Variants in E2F3 observed in about 807,000 individuals in gnomAD.
E2F3 encodes the protein transcription factor E2F3.
A neutral mutation model predicts 44.4 loss-of-function variants in E2F3; 11 were observed. The observed-to-expected ratio is 0.25, with a 90% CI of 0.16 to 0.41. E2F3 has a LOEUF of 0.41. E2F3 is among the 10% of genes least tolerant of loss of function. E2F3 has a pLI of 1.00. For synonymous variants in E2F3, 249 were observed against 253.0 expected, an observed-to-expected ratio of 0.98 and a Z score of 0.15; for missense variants, 487 against 583.6, an observed-to-expected ratio of 0.83 and a Z score of 1.70.
intron 1 of E2F3, among the ~76,000 whole-genome samples, chr6:20,422,147 C>G (rs1034059502): frequency 1.3e-5 from 2 of 152,212 alleles, no homozygotes; most frequent in African/African-American, 4.8e-5. Flanking sequence ...GCTAGATCTT[C>G]TGAATAACTT....
At chr6:20,408,498 T>TA (rs1261290966) in intron 1 of E2F3, among the ~76,000 whole-genome samples, 1 of 152,260 alleles carries the variant, frequency 6.6e-6, no homozygotes, top group Non-Finnish European at 1.5e-5. Context: ...GGGTCAGTCT[T>TA]ATGGCCACCA....
intron 1 of E2F3, among the ~76,000 whole-genome samples, chr6:20,408,158 A>G (rs1425154109): frequency 6.6e-6 from 1 of 152,254 alleles, no homozygotes; most frequent in Admixed American, 6.5e-5. Flanking sequence ...AATGGAAGAT[A>G]ACTGGGAAAG....
At chr6:20,445,247 CT>C (rs397791188) in intron 1 of E2F3, 46,467 of 577,832 alleles carry the variant, frequency 0.08, no homozygotes, top group Non-Finnish European at 0.093. Context: ...TATTTTCTCC[CT>C]TTTTTTTTTT....
At chr6:20,482,661 T>C in intron 3 of E2F3, 101 bp from the exon 4 acceptor site, 2 of 1,109,976 alleles carry the variant, frequency 1.8e-6, no homozygotes, top group Non-Finnish European at 2.5e-6. Flanking sequence ...TAACAAGCAA[T>C]GTGACCTCCT....
chr6:20,403,994 A>G (rs569197624), intron 1 of E2F3, among the ~76,000 whole-genome samples: 34 of 152,122 alleles, frequency 2.2e-4, no homozygotes, highest in African/African-American at 7.5e-4. Flanking sequence ...CTAACTAAGT[A>G]AATGCCCCGG....
intron 2 of E2F3, 134 bp downstream of exon 2, chr6:20,480,091 A>C (rs1351206192): frequency 1.4e-6 from 2 of 1,421,810 alleles, no homozygotes; most frequent in Non-Finnish European, 1.8e-6. Flanking sequence ...TTCTGTGCTT[A>C]TCCAAAAAAA....
chr6:20,428,841 T>C (rs1760302758), intron 1 of E2F3, among the ~76,000 whole-genome samples: 1 of 152,230 alleles, frequency 6.6e-6, no homozygotes, highest in Non-Finnish European at 1.5e-5. Context: ...GCAGCTTTTT[T>C]TCCCCCTTTT....
chr6:20,452,903 G>A (rs369172311), intron 1 of E2F3, among the ~76,000 whole-genome samples: 47 of 152,156 alleles, frequency 3.1e-4, no homozygotes, highest in African/African-American at 1.0e-3. Context: ...GCAGTGAGCC[G>A]AGATCGCACC....
At chr6:20,444,996 A>G (rs1760893184) in intron 1 of E2F3, 8 of 825,764 alleles carry the variant, frequency 9.7e-6, no homozygotes, top group Non-Finnish European at 1.2e-5. Context: ...TAGATGCTCA[A>G]TACATGTCTT....
At chr6:20,432,049 T>C (rs1266707845) in intron 1 of E2F3, among the ~76,000 whole-genome samples, 1 of 152,212 alleles carries the variant, frequency 6.6e-6, no homozygotes, top group Non-Finnish European at 1.5e-5. Context: ...CTTAATCACC[T>C]CTTTAAAGGT....
intron 1 of E2F3, among the ~76,000 whole-genome samples, chr6:20,424,488 T>C (rs925045290): frequency 6.6e-6 from 1 of 152,132 alleles, no homozygotes. Context: ...CTCTGCTCCA[T>C]TGATACCTTT....
intron 1 of E2F3, among the ~76,000 whole-genome samples, chr6:20,462,480 CAG>C (rs1283737073): frequency 6.8e-6 from 1 of 146,430 alleles, no homozygotes; most frequent in Non-Finnish European, 1.5e-5. Context: ...TTTTCTGAGA[CAG>C]AGTCTCACTC....
chr6:20,441,229 A>T (rs1274448220), intron 1 of E2F3, among the ~76,000 whole-genome samples: 2 of 152,190 alleles, frequency 1.3e-5, no homozygotes, highest in African/African-American at 4.8e-5. Flanking sequence ...ACCACTCTAG[A>T]TACCTCATAT....
rs1236639950 is a variant in E2F3, at chr6:20,492,418, T to C, written c.*1988T>C. On this transcript the variant is annotated 3_prime_UTR_variant, in exon 7 of 7. Transcript: ENST00000346618. ...TGTCGGTGTGGTCCTAGATGAAGCA[T>C]TGGGGTGGGGGAGGGAGAGGGAGCT... 4.3e-6 allele frequency: 1 copy of C among 233,650 alleles called. No individual in the cohort carries two copies. Among genetic ancestry groups the C allele is most frequent in the Non-Finnish European group, 8.5e-6 (1 of 117,948 alleles). The allele number at this position is 233,650 out of a possible 1,614,324, so 14.5% of individuals were successfully genotyped here. A position where few individuals can be genotyped will look rare whatever the true frequency, so the allele number is the denominator to read the frequency against.
chr6:20,468,499 G>A (rs1761787004), intron 1 of E2F3, among the ~76,000 whole-genome samples: 1 of 152,184 alleles, frequency 6.6e-6, no homozygotes, highest in African/African-American at 2.4e-5. Flanking sequence ...TCACCCTCCA[G>A]GAACCTCCTT....
chr6:20,458,606 G>A (rs1424213512), intron 1 of E2F3, among the ~76,000 whole-genome samples: 1 of 152,180 alleles, frequency 6.6e-6, no homozygotes, highest in African/African-American at 2.4e-5. Context: ...TATCTTATCA[G>A]TGTAACTTTA....
chr6:20,462,089 T>C (rs1352053400), intron 1 of E2F3, among the ~76,000 whole-genome samples: 1 of 152,246 alleles, frequency 6.6e-6, no homozygotes, highest in African/African-American at 2.4e-5. Flanking sequence ...TTGGGTTATA[T>C]GTTCTTTTCT....
At chr6:20,455,032 A>G (rs1761264301) in intron 1 of E2F3, among the ~76,000 whole-genome samples, 1 of 152,206 alleles carries the variant, frequency 6.6e-6, no homozygotes, top group South Asian at 2.1e-4. Flanking sequence ...AAGTTAGTTT[A>G]AGAACAAAGG....
At chr6:20,452,077 G>A (rs1232648514) in intron 1 of E2F3, among the ~76,000 whole-genome samples, 1 of 152,178 alleles carries the variant, frequency 6.6e-6, no homozygotes, top group Non-Finnish European at 1.5e-5. Flanking sequence ...GAATGAGTTG[G>A]GGAAGAATCC....
Sources: allele counts gnomAD v4.1 joint callset (sites outside exome capture counted in the v4.1 genomes callset), GRCh38; gene constraint gnomAD v4.1.1; transcripts MANE v1.5; gene names NCBI Gene and HGNC (gene_info 2026-07-23, HGNC 2026-07-21).